Variants in XPO7 observed in about 807,000 individuals in gnomAD.
The protein encoded by XPO7 is exportin 7.
XPO7 carries 21 observed loss-of-function variants against 144.3 expected under a neutral mutation model. The observed-to-expected ratio is 0.15, with a 90% confidence interval of 0.10 to 0.21. The LOEUF is 0.21. Ranked by LOEUF, XPO7 falls within the 10% of genes least tolerant of loss-of-function variation. XPO7 has a pLI of 1.00. For missense variants in XPO7, 808 were observed against 1,325.8 expected (o/e 0.61, Z 6.06); for synonymous variants, 580 against 499.6 (o/e 1.16, Z -2.15).
intron 16 of XPO7, among the ~76,000 whole-genome samples, 183 bp from the exon 17 acceptor site, chr8:21,990,161 T>C (rs1180378159): frequency 6.6e-6 from 1 of 152,140 alleles, no homozygotes; most frequent in Non-Finnish European, 1.5e-5. Context: ...TATAGGTGTT[T>C]TCTTACTGAT....
At chr8:21,968,815 C>G (rs1053022814) in intron 2 of XPO7, among the ~76,000 whole-genome samples, 1 of 152,182 alleles carries the variant, frequency 6.6e-6, no homozygotes, top group African/African-American at 2.4e-5. Flanking sequence ...GCATTTTGAT[C>G]ACATGGAATG....
chr8:21,993,521 C>G (rs1812835417), intron 19 of XPO7, among the ~76,000 whole-genome samples: 1 of 152,182 alleles, frequency 6.6e-6, no homozygotes, highest in South Asian at 2.1e-4. Flanking sequence ...AGACAACCCC[C>G]AAACTATGAT....
chr8:22,001,396 T>C (rs911797272), intron 24 of XPO7, among the ~76,000 whole-genome samples: 80 of 152,338 alleles, frequency 5.3e-4, no homozygotes, highest in Non-Finnish European at 1.1e-3. Flanking sequence ...GTTTACTCTT[T>C]TAAGGGTTCA....
chr8:21,961,585 T>C (rs1318408742), intron 1 of XPO7, among the ~76,000 whole-genome samples: 1 of 152,160 alleles, frequency 6.6e-6, no homozygotes, highest in Non-Finnish European at 1.5e-5. Flanking sequence ...ACTAGCAACA[T>C]ACGAGTTCTG....
chr8:21,984,895 C>A, intron 12 of XPO7, 56 bp downstream of exon 12: 2 of 1,564,034 alleles, frequency 1.3e-6, no homozygotes, highest in South Asian at 1.2e-5. Context: ...TGTCTAGTAC[C>A]CCTTCGCTCA....
At chr8:21,959,734 C>T (rs729180) in intron 1 of XPO7, among the ~76,000 whole-genome samples, 87,890 of 152,020 alleles carry the variant, frequency 0.58, 26,161 homozygotes, top group African/African-American at 0.73. Context: ...ATAATTAAAA[C>T]ATGATGGATA....
intron 5 of XPO7, among the ~76,000 whole-genome samples, chr8:21,972,340 G>A (rs187614112): frequency 9.3e-4 from 142 of 152,258 alleles, no homozygotes; most frequent in African/African-American, 3.1e-3. Context: ...TTAGCCGGGC[G>A]TGGTGGCATG....
At chr8:21,924,800 G>C (rs1273649959) in intron 1 of XPO7, among the ~76,000 whole-genome samples, 1 of 152,182 alleles carries the variant, frequency 6.6e-6, no homozygotes, top group African/African-American at 2.4e-5. Context: ...TATTTGAAAA[G>C]CAAGTTCAGG....
chr8:21,919,704 C>T lies in XPO7; in HGVS notation c.-67C>T, dbSNP rs1810193117. Reference sequence around the variant, plus strand: ...GCGACGGCGTCGGCGGCGGCGGCGGCAGCGGCTCCGGCCGAGGTGCGCGCT... The same window carrying T: ...GCGACGGCGTCGGCGGCGGCGGCGGTAGCGGCTCCGGCCGAGGTGCGCGCT... On this transcript the variant is annotated 5_prime_UTR_variant, in exon 1 of 28. Coordinates refer to ENST00000252512, the MANE Select transcript of XPO7 (RefSeq NM_015024.5). 4.7e-6 allele frequency: 1 copy of T among 214,666 alleles called. No individual in the cohort carries two copies. Among genetic ancestry groups the T allele is most frequent in the Non-Finnish European group, 9.2e-6 (1 of 108,534 alleles). 13.3% of individuals were successfully genotyped at this position (214,666 alleles called of 1,614,324 possible).
chr8:21,972,728 A>G (rs1453345717), intron 5 of XPO7, among the ~76,000 whole-genome samples: 1 of 152,206 alleles, frequency 6.6e-6, no homozygotes, highest in African/African-American at 2.4e-5. Flanking sequence ...AATATTAGCT[A>G]TAACATCTCA....
intron 20 of XPO7, 73 bp downstream of exon 20, chr8:21,994,524 G>GA: frequency 7.2e-7 from 1 of 1,385,032 alleles, no homozygotes; most frequent in Admixed American, 1.9e-5. Context: ...AGGGTCCAGA[G>GA]ACGGTGTAGG....
chr8:21,931,298 G>A (rs1025707539), intron 1 of XPO7, among the ~76,000 whole-genome samples: 1 of 151,984 alleles, frequency 6.6e-6, no homozygotes, highest in African/African-American at 2.4e-5. Context: ...AAGTAGCTGG[G>A]ACTGCAAGCG....
chr8:21,974,471 A>C (rs1187849425), intron 5 of XPO7, among the ~76,000 whole-genome samples, 199 bp from the exon 6 acceptor site: 3 of 152,350 alleles, frequency 2.0e-5, no homozygotes, highest in African/African-American at 7.2e-5. Context: ...AGCTAGAGAG[A>C]AAGGATACCC....
At chr8:21,990,454 T>A (rs1478077671) in intron 17 of XPO7, 47 bp downstream of exon 17, 1 of 1,599,498 alleles carries the variant, frequency 6.3e-7, no homozygotes. Context: ...CACCCACACA[T>A]ACACTTTCTC....
At chr8:22,004,250 A>C (rs1813250234) in intron 27 of XPO7, among the ~76,000 whole-genome samples, 1 of 152,234 alleles carries the variant, frequency 6.6e-6, no homozygotes, top group East Asian at 1.9e-4. Context: ...GTGTGTAATC[A>C]GTATTTTAAA....
chr8:21,981,313 A>G (rs1405071059), intron 9 of XPO7, among the ~76,000 whole-genome samples: 1 of 152,230 alleles, frequency 6.6e-6, no homozygotes, highest in Non-Finnish European at 1.5e-5. Context: ...GTGCTGAATG[A>G]TCAGTTTGAC....
chr8:21,944,913 A>G (rs1487236628), intron 1 of XPO7, among the ~76,000 whole-genome samples: 3 of 152,214 alleles, frequency 2.0e-5, no homozygotes, highest in East Asian at 3.8e-4. Flanking sequence ...TTCAGAGAGC[A>G]CGGGGATGGG....
At chr8:21,973,512 T>A (rs1027679452) in intron 5 of XPO7, among the ~76,000 whole-genome samples, 2 of 152,206 alleles carry the variant, frequency 1.3e-5, no homozygotes, top group African/African-American at 4.8e-5. Context: ...TAATTTGAAT[T>A]TTCCATTGTT....
Position 21,970,317 on chromosome 8 carries a change from T to C in XPO7, c.426+7T>C, listed in dbSNP as rs779197442. On this transcript the variant is annotated splice_region_variant and intron_variant, in intron 4 of 27. Transcript: ENST00000252512. ...CGTCACAAGGTTTTTACAGGTACAG[T>C]GTATATATTTGATGTAATGGGAATG... is the stretch of plus-strand genomic sequence containing the variant. 1.9e-6 allele frequency: 3 copies of C among 1,611,216 alleles called. No individual in the cohort carries two copies. Among genetic ancestry groups the C allele is most frequent in the Admixed American group, 3.4e-5 (2 of 59,432 alleles).
Sources: gnomAD v4.1 joint callset for allele counts (sites outside exome capture counted in the v4.1 genomes callset) on GRCh38, gnomAD v4.1.1 for gene constraint, MANE v1.5 for transcripts, NCBI Gene and HGNC (gene_info 2026-07-23, HGNC 2026-07-21) for gene names.